SLC35F3: variants seen among roughly 807,000 people sequenced by gnomAD.
The protein encoded by SLC35F3 is solute carrier family 35 member F3.
SLC35F3 carries 25 observed loss-of-function variants against 49.9 expected under a neutral mutation model. The observed-to-expected ratio is 0.50, with a 90% CI of 0.37 to 0.70. SLC35F3 has a LOEUF of 0.70. SLC35F3 is among the 30% of genes least tolerant of loss of function. The pLI is 0.00. For missense variants in SLC35F3, 525 were observed against 639.8 expected (o/e 0.82, Z 1.94); for synonymous variants, 275 against 265.4 (o/e 1.04, Z -0.35).
intron 2 of SLC35F3, among the ~76,000 whole-genome samples, chr1:233,975,601 G>A (rs771360935): frequency 4.6e-5 from 7 of 152,212 alleles, no homozygotes; most frequent in Non-Finnish European, 7.3e-5. Flanking sequence ...TATCCATGAT[G>A]GGACTCCAAG....
chr1:234,310,891 C>A (rs1657338236), intron 4 of SLC35F3, among the ~76,000 whole-genome samples: 2 of 152,316 alleles, frequency 1.3e-5, no homozygotes, highest in African/African-American at 4.8e-5. Flanking sequence ...ATCTTTACTG[C>A]TATGCATGGA....
At position 234,237,499 on chromosome 1, in the gene SLC35F3, C is replaced by A. The variant is rs76851763; in HGVS notation, c.608+5758C>A. 9.2e-3 allele frequency among the ~76,000 whole-genome samples: 1,401 copies of A among 152,306 alleles called. 24 individuals are homozygous for A. Among genetic ancestry groups the A allele is most frequent in the African/African-American group, 0.032 (1,345 of 41,554 alleles). On this transcript the variant is annotated intron_variant, in intron 3 of 7. Transcript: ENST00000366618. ...CACAGTGGTAAATGCTAAGGCATTGCCAAGGGAGCCCTAATTAGCGATGCC... is the reference window on the plus strand; with the variant it reads ...CACAGTGGTAAATGCTAAGGCATTGACAAGGGAGCCCTAATTAGCGATGCC...
intron 2 of SLC35F3, among the ~76,000 whole-genome samples, chr1:233,954,590 T>C (rs1405072962): frequency 2.6e-5 from 4 of 152,158 alleles, no homozygotes; most frequent in African/African-American, 9.7e-5. Flanking sequence ...TTTTGGACAA[T>C]GAAATATATA....
At chr1:234,248,969 C>T (rs1368344792) in intron 3 of SLC35F3, among the ~76,000 whole-genome samples, 1 of 152,200 alleles carries the variant, frequency 6.6e-6, no homozygotes, top group East Asian at 1.9e-4. Flanking sequence ...GAATCCCTTG[C>T]TTGTACAGCA....
rs549190294 is a variant in SLC35F3 at position 234,264,087 on chromosome 1, C to T, written c.608+32346C>T. ...TCACACCACTACACTCCAGCCTGGG[C>T]GACAGAGCAAAACTCTGTCTTAACA... On this transcript the variant is annotated intron_variant, in intron 3 of 7. Transcript: ENST00000366618. 1.7e-4 allele frequency among the ~76,000 whole-genome samples: 26 copies of T among 152,140 alleles called. No homozygotes were observed. The East Asian group carries it at 1.9e-3, about 11-fold the overall frequency.
At chr1:234,002,857 T>G (rs1355409813) in intron 2 of SLC35F3, among the ~76,000 whole-genome samples, 1 of 152,224 alleles carries the variant, frequency 6.6e-6, no homozygotes, top group South Asian at 2.1e-4. Context: ...CAGTATGGAC[T>G]CATGGATATT....
intron 2 of SLC35F3, among the ~76,000 whole-genome samples, chr1:233,946,797 T>C (rs1210879805): frequency 6.6e-6 from 1 of 152,210 alleles, no homozygotes; most frequent in Non-Finnish European, 1.5e-5. Context: ...GTGTAAATGG[T>C]GAAGATGACT....
chr1:234,312,737 C>T (rs1657387361), intron 4 of SLC35F3, among the ~76,000 whole-genome samples: 1 of 152,184 alleles, frequency 6.6e-6, no homozygotes, highest in East Asian at 1.9e-4. Context: ...AAAATCAGTC[C>T]ATTTTTCCCT....
At chr1:234,065,972 G>A (rs1664610626) in intron 2 of SLC35F3, among the ~76,000 whole-genome samples, 1 of 152,198 alleles carries the variant, frequency 6.6e-6, no homozygotes, top group African/African-American at 2.4e-5. Flanking sequence ...AGGGCCCTTC[G>A]CTGGTCCGGA....
chr1:234,149,675 A>T (rs959273080), intron 2 of SLC35F3, among the ~76,000 whole-genome samples: 2 of 152,130 alleles, frequency 1.3e-5, no homozygotes, highest in African/African-American at 4.8e-5. Flanking sequence ...CCTGAGAGCT[A>T]TGTTTCATGT....
At chr1:234,146,481 C>CTTTTTTTTTTTTT (rs869146212) in intron 2 of SLC35F3, among the ~76,000 whole-genome samples, 5 of 74,040 alleles carry the variant, frequency 6.8e-5, no homozygotes, top group East Asian at 2.4e-3. Flanking sequence ...GATATTTGCT[C>CTTTTTTTTTTTTT]TTTTTTTTTT....
At chr1:233,937,047 AT>A (rs1662346506) in intron 2 of SLC35F3, among the ~76,000 whole-genome samples, 1 of 152,112 alleles carries the variant, frequency 6.6e-6, no homozygotes, top group Non-Finnish European at 1.5e-5. Flanking sequence ...GCCAGTCAGC[AT>A]TTTACCATCC....
intron 3 of SLC35F3, chr1:234,285,223 T>A: frequency 2.4e-6 from 1 of 413,718 alleles, no homozygotes; most frequent in South Asian, 1.8e-5. Context: ...ATCAAGGACA[T>A]TTCACTGGGC....
In SLC35F3 at chr1:234,027,295, G is replaced by A. The variant is rs72756108; in HGVS notation, c.283+121537G>A. 1.2e-3 allele frequency: 188 copies of A among 153,570 alleles called. 1 individual carries two copies. The highest frequency in any genetic ancestry group is 2.0e-3 in the Non-Finnish European group (137 of 68,352). The allele number at this position is 153,570 out of a possible 1,614,324, so 9.5% of individuals were successfully genotyped here. ...GCTGAGATGGGAAGCTGTGGACTTG[G>A]GGCACGGCAGACAGGCAGGCAGCTT... On this transcript the variant is annotated intron_variant, in intron 2 of 7. Transcript: ENST00000366618. This position sits in a 1 kb window ranked among gnomAD's most constrained non-coding sequence, Gnocchi z 4.1.
chr1:234,238,759 A>G (rs1237867782), intron 3 of SLC35F3, among the ~76,000 whole-genome samples: 7 of 152,096 alleles, frequency 4.6e-5, no homozygotes, highest in Non-Finnish European at 8.8e-5. Flanking sequence ...CAAGCAGAAC[A>G]TTTTCATTAC....
chr1:233,979,179 T>C (rs2102821016), intron 2 of SLC35F3, among the ~76,000 whole-genome samples: 1 of 152,350 alleles, frequency 6.6e-6, no homozygotes, highest in Non-Finnish European at 1.5e-5. Flanking sequence ...TTTCAATTCT[T>C]ACTTACACTG....
At chr1:233,977,404 A>G (rs746982701) in intron 2 of SLC35F3, among the ~76,000 whole-genome samples, 1 of 152,194 alleles carries the variant, frequency 6.6e-6, no homozygotes, top group African/African-American at 2.4e-5. Flanking sequence ...CAGCTCTCAT[A>G]TTAAAGAAGC....
chr1:234,012,934 C>T (rs749919050), intron 2 of SLC35F3, among the ~76,000 whole-genome samples: 3 of 152,090 alleles, frequency 2.0e-5, no homozygotes, highest in Non-Finnish European at 4.4e-5. Flanking sequence ...ATCATCTAGA[C>T]AGAAAATTAA....
intron 2 of SLC35F3, among the ~76,000 whole-genome samples, chr1:234,021,824 T>C (rs1663900771): frequency 6.6e-6 from 1 of 152,230 alleles, no homozygotes; most frequent in South Asian, 2.1e-4. Flanking sequence ...AATGTTCATT[T>C]TTTTCAAGCT....
Sources: gnomAD v4.1 joint callset for allele counts (sites outside exome capture counted in the v4.1 genomes callset) on GRCh38, gnomAD v4.1.1 for gene constraint, Gnocchi (gnomAD v3.1) non-coding constraint, MANE v1.5 for transcripts, NCBI Gene and HGNC (gene_info 2026-07-23, HGNC 2026-07-21) for gene names.